ADCY2: variants seen among roughly 807,000 people sequenced by gnomAD.
ADCY2 encodes adenylate cyclase type 2.
ADCY2 carries 31 observed loss-of-function variants against 125.2 expected under a neutral mutation model. That is an observed-to-expected ratio of 0.25 (90% confidence interval 0.19 to 0.33). The LOEUF (loss-of-function observed/expected upper bound fraction) is 0.33, where lower values mean the gene tolerates loss of function less well. Among genes scored for constraint, ADCY2 ranks in the 10% least tolerant of loss-of-function variants. The probability of loss-of-function intolerance (pLI) is 1.00; values close to 1 mark genes in which losing one functional copy is unlikely to be tolerated. For synonymous variants in ADCY2, 512 were observed against 548.4 expected, an observed-to-expected ratio of 0.93 and a Z score of 0.93; for missense variants, 904 against 1,418.2, an observed-to-expected ratio of 0.64 and a Z score of 5.82.
chr5:7,409,113 G>A (rs781636012), intron 1 of ADCY2, among the ~76,000 whole-genome samples: 4 of 152,156 alleles, frequency 2.6e-5, no homozygotes, highest in Non-Finnish European at 4.4e-5. Context: ...ATTATACTTA[G>A]CAAACTAATG....
chr5:7,678,021 G>A (rs200739657), intron 4 of ADCY2, among the ~76,000 whole-genome samples: 2 of 152,098 alleles, frequency 1.3e-5, no homozygotes, highest in East Asian at 1.9e-4. Context: ...AAATATTTTT[G>A]TTGGCATGAC....
Position 7,827,116 on chromosome 5 carries a change from C to T in ADCY2, c.*245C>T, listed in dbSNP as rs1745510011. 2.3e-6 allele frequency: 1 copy of T among 433,960 alleles called. No homozygotes were observed. 26.9% of individuals were successfully genotyped at this position (433,960 alleles called of 1,614,324 possible). Reference sequence around the variant, plus strand: ...AGGAGCGCGCGTGATAGAAGAAAAGCACTGGGAGAACTAACAGAGGAGAAA... The same window carrying T: ...AGGAGCGCGCGTGATAGAAGAAAAGTACTGGGAGAACTAACAGAGGAGAAA... On this transcript the variant is annotated 3_prime_UTR_variant, in exon 25 of 25. Coordinates refer to ENST00000338316, the MANE Select transcript of ADCY2 (RefSeq NM_020546.3).
rs151172441 is a variant in ADCY2 at position 7,569,726 on chromosome 5, C to G, written c.570+48827C>G. ...AGTATGACTCTGACTTCCTGAGCTCCAAGCCCATAGTTGAAATGGTGAACT... is the reference window on the plus strand; with the variant it reads ...AGTATGACTCTGACTTCCTGAGCTCGAAGCCCATAGTTGAAATGGTGAACT... On this transcript the variant is annotated intron_variant, in intron 3 of 24. Coordinates refer to ENST00000338316, the MANE Select transcript of ADCY2 (RefSeq NM_020546.3). Among the ~76,000 whole-genome samples, 798 of 152,192 alleles carry G rather than the reference C, an allele frequency of 5.2e-3. 7 individuals are homozygous for G. Among genetic ancestry groups the G allele is most frequent in the African/African-American group, 0.018 (759 of 41,532 alleles).
intron 2 of ADCY2, among the ~76,000 whole-genome samples, chr5:7,475,556 A>G (rs1036329166): frequency 6.6e-5 from 10 of 152,016 alleles, no homozygotes; most frequent in Non-Finnish European, 1.3e-4. Context: ...CAATTTTTGT[A>G]TTTTTAGTAG....
chr5:7,486,805 G>A (rs1376448960), intron 2 of ADCY2, among the ~76,000 whole-genome samples: 1 of 152,204 alleles, frequency 6.6e-6, no homozygotes, highest in Non-Finnish European at 1.5e-5. Flanking sequence ...TCAGAAGTTT[G>A]TTAGATGTGA....
chr5:7,753,574 C>A (rs1302648649), intron 15 of ADCY2, among the ~76,000 whole-genome samples: 1 of 152,136 alleles, frequency 6.6e-6, no homozygotes, highest in African/African-American at 2.4e-5. Context: ...CATTTTTCCA[C>A]CAGAGCCTTT....
intron 2 of ADCY2, among the ~76,000 whole-genome samples, chr5:7,475,154 A>G (rs1421559122): frequency 1.3e-5 from 2 of 152,214 alleles, no homozygotes; most frequent in Non-Finnish European, 2.9e-5. Flanking sequence ...TCTCCAGCAC[A>G]TAGGTGAAGT....
rs1739051286 is a variant in ADCY2 at position 7,396,578 on chromosome 5, C to T, written c.210+72C>T. 3.7e-6 allele frequency: 5 copies of T among 1,358,566 alleles called. No individual in the cohort carries two copies. The South Asian group carries it at 7.1e-5, about 19-fold the overall frequency. The allele number at this position is 1,358,566 out of a possible 1,614,324, so 84.2% of individuals were successfully genotyped here. ...GAGAGGAGCCCGGCCAGCCGAGCCGCGTCCCGCTCCGGGCTGCCCCTCGGC... is the reference window on the plus strand; with the variant it reads ...GAGAGGAGCCCGGCCAGCCGAGCCGTGTCCCGCTCCGGGCTGCCCCTCGGC... On this transcript the variant is annotated intron_variant, in intron 1 of 24. Coordinates refer to ENST00000338316, the MANE Select transcript of ADCY2 (RefSeq NM_020546.3). The surrounding 1 kb of genome is among the most constrained non-coding windows in gnomAD (Gnocchi z 5.7).
At chr5:7,397,713 A>T (rs1739115353) in intron 1 of ADCY2, among the ~76,000 whole-genome samples, 1 of 152,110 alleles carries the variant, frequency 6.6e-6, no homozygotes, top group Admixed American at 6.5e-5. Flanking sequence ...AAAATAAAAA[A>T]ATTCCCCCAC....
intron 4 of ADCY2, among the ~76,000 whole-genome samples, chr5:7,680,075 A>T (rs941975841): frequency 6.6e-6 from 1 of 152,108 alleles, no homozygotes; most frequent in Admixed American, 6.5e-5. Context: ...GGGGAAGAGT[A>T]TAGGGGAAAT....
chr5:7,784,864 T>G (rs1427018558), intron 19 of ADCY2, among the ~76,000 whole-genome samples: 2 of 152,182 alleles, frequency 1.3e-5, no homozygotes, highest in East Asian at 3.8e-4. Context: ...TGAATACCTT[T>G]GCTGTCATTT....
intron 2 of ADCY2, among the ~76,000 whole-genome samples, chr5:7,427,223 G>A (rs931003718): frequency 6.6e-6 from 1 of 152,136 alleles, no homozygotes; most frequent in African/African-American, 2.4e-5. Flanking sequence ...GTCCTCACAT[G>A]CCAGTTTCTT....
rs1745542142 is a variant in ADCY2, at chr5:7,827,951, T to C, written c.*1080T>C. The C allele has an allele frequency of 6.5e-6, 1 of 152,754 alleles. No individual in the cohort carries two copies. Among genetic ancestry groups the C allele is most frequent in the African/African-American group, 2.4e-5 (1 of 41,466 alleles). The allele number at this position is 152,754 out of a possible 1,614,324, so 9.5% of individuals were successfully genotyped here. A position where few individuals can be genotyped will look rare whatever the true frequency, so the allele number is the denominator to read the frequency against. Reference sequence around the variant, plus strand: ...TCAGCTATGCAAATCAGTCTCACAATAGCGTGAGCTAACTGAGAGAAGTAC... The same window carrying C: ...TCAGCTATGCAAATCAGTCTCACAACAGCGTGAGCTAACTGAGAGAAGTAC... On this transcript the variant is annotated 3_prime_UTR_variant, in exon 25 of 25. Coordinates refer to ENST00000338316, the MANE Select transcript of ADCY2 (RefSeq NM_020546.3).
At chr5:7,509,538 A>G (rs1321744720) in intron 2 of ADCY2, among the ~76,000 whole-genome samples, 4 of 152,210 alleles carry the variant, frequency 2.6e-5, no homozygotes, top group Non-Finnish European at 4.4e-5. Context: ...TTTAAAAAGC[A>G]CAGTGAAAGT....
intron 22 of ADCY2, among the ~76,000 whole-genome samples, chr5:7,814,099 A>C (rs1315133771): frequency 1.3e-5 from 2 of 152,172 alleles, no homozygotes; most frequent in African/African-American, 4.8e-5. Flanking sequence ...AATTCCACCA[A>C]AGTTAGCTGA....
At chr5:7,770,781 AT>A (rs1224400057) in intron 17 of ADCY2, among the ~76,000 whole-genome samples, 3 of 152,192 alleles carry the variant, frequency 2.0e-5, no homozygotes, top group African/African-American at 7.2e-5. Context: ...TATTGATTAA[AT>A]GGCTACTAGG....
Position 7,409,750 on chromosome 5 carries a change from A to T in ADCY2, c.211-4823A>T, listed in dbSNP as rs568066428. ...CATTTTTATTTTATTTGCTTGGCCT[A>T]TCAATAGCAAGATGGGGAGCTGAAA... On this transcript the variant is annotated intron_variant, in intron 1 of 24. Coordinates refer to ENST00000338316, the MANE Select transcript of ADCY2 (RefSeq NM_020546.3). Among the ~76,000 whole-genome samples the T allele has an allele frequency of 5.6e-4, 85 of 152,348 alleles. 1 individual carries two copies. Among genetic ancestry groups the T allele is most frequent in the African/African-American group, 1.9e-3 (77 of 41,584 alleles).
At chr5:7,455,643 GTA>G (rs1741640538) in intron 2 of ADCY2, among the ~76,000 whole-genome samples, 1 of 145,846 alleles carries the variant, frequency 6.9e-6, no homozygotes, top group African/African-American at 2.5e-5. Context: ...TATATATACT[GTA>G]TATATTATAT....
At chr5:7,696,622 G>A (rs1740903099) in intron 6 of ADCY2, among the ~76,000 whole-genome samples, 1 of 152,198 alleles carries the variant, frequency 6.6e-6, no homozygotes. Flanking sequence ...GCTTCATTAT[G>A]CCTACTAATA....
Sources: gnomAD v4.1 joint callset for allele counts (sites outside exome capture counted in the v4.1 genomes callset) on GRCh38, gnomAD v4.1.1 for gene constraint, Gnocchi (gnomAD v3.1) non-coding constraint, MANE v1.5 for transcripts, NCBI Gene and HGNC (gene_info 2026-07-23, HGNC 2026-07-21) for gene names.